Variants in TMED3 observed in about 807,000 individuals in gnomAD.
TMED3 encodes transmembrane emp24 domain-containing protein 3.
A neutral mutation model predicts 15.0 loss-of-function variants in TMED3; 9 were observed. The observed-to-expected ratio is 0.60, with a 90% CI of 0.36 to 1.04. The LOEUF is 1.04. Ranked by LOEUF, TMED3 falls within the 50% of genes least tolerant of loss-of-function variation. TMED3 has a pLI of 0.01. For synonymous variants in TMED3, 117 were observed against 121.4 expected (o/e 0.96, Z 0.24); for missense variants, 267 against 278.9 (o/e 0.96, Z 0.30).
intron 2 of TMED3, among the ~76,000 whole-genome samples, chr15:79,404,711 G>T (rs930699359): frequency 3.9e-5 from 6 of 152,166 alleles, no homozygotes; most frequent in African/African-American, 1.4e-4. Context: ...AAGTTTATGT[G>T]TGGTTTTACT....
chr15:79,356,939 A>G (rs1346082131), intron 2 of TMED3, among the ~76,000 whole-genome samples: 1 of 152,244 alleles, frequency 6.6e-6, no homozygotes, highest in Non-Finnish European at 1.5e-5. Context: ...ACATGTGCAG[A>G]CATAGACAAG....
At chr15:79,355,882 T>C (rs1190848748) in intron 2 of TMED3, among the ~76,000 whole-genome samples, 1 of 152,186 alleles carries the variant, frequency 6.6e-6, no homozygotes, top group Non-Finnish European at 1.5e-5. Context: ...TTTTTATGGA[T>C]GAATTGACTG....
At chr15:79,340,591 T>G (rs946689914) in intron 2 of TMED3, among the ~76,000 whole-genome samples, 1 of 152,212 alleles carries the variant, frequency 6.6e-6, no homozygotes, top group Non-Finnish European at 1.5e-5. Flanking sequence ...ACACCTGGCG[T>G]GTAGTCAACA....
At chr15:79,324,393 T>A (rs1029976909), downstream of TMED3, among the ~76,000 whole-genome samples, 1 of 152,216 alleles carries the variant, frequency 6.6e-6, no homozygotes, top group South Asian at 2.1e-4. Flanking sequence ...TAGGGTACTC[T>A]ATATAATTTC....
chr15:79,317,409 T>A (rs1720825436), intron 2 of TMED3, among the ~76,000 whole-genome samples: 1 of 152,236 alleles, frequency 6.6e-6, no homozygotes, highest in African/African-American at 2.4e-5. Flanking sequence ...CCAGTACTGC[T>A]GAATTCCCAG....
intron 2 of TMED3, among the ~76,000 whole-genome samples, chr15:79,329,199 C>G (rs775693040): frequency 4.6e-5 from 7 of 152,236 alleles, no homozygotes; most frequent in Non-Finnish European, 1.0e-4. Context: ...CCCTTAAACT[C>G]TCTAAAGAGA....
intron 2 of TMED3, among the ~76,000 whole-genome samples, chr15:79,320,278 G>T (rs1053452524): frequency 1.3e-5 from 2 of 152,068 alleles, no homozygotes; most frequent in African/African-American, 4.8e-5. Context: ...CTATCTCTGT[G>T]TGGCCTGGTT....
At chr15:79,358,517 G>A (rs946094491) in intron 2 of TMED3, among the ~76,000 whole-genome samples, 2 of 152,130 alleles carry the variant, frequency 1.3e-5, no homozygotes, top group African/African-American at 4.8e-5. Flanking sequence ...AGCTGGGGAT[G>A]GTGGGGGTGG....
intron 2 of TMED3, among the ~76,000 whole-genome samples, chr15:79,336,432 T>C (rs1020017009): frequency 1.3e-5 from 2 of 151,842 alleles, no homozygotes; most frequent in Non-Finnish European, 2.9e-5. Flanking sequence ...CCGAGGTGGG[T>C]GGATCATTTG....
intron 2 of TMED3, among the ~76,000 whole-genome samples, chr15:79,353,110 A>AAT (rs1366942908): frequency 2.2e-5 from 2 of 90,876 alleles, no homozygotes; most frequent in South Asian, 3.0e-4. Context: ...TAAAATATAA[A>AAT]ATATATATAT....
downstream of TMED3, among the ~76,000 whole-genome samples, chr15:79,325,680 A>G (rs972743839): frequency 3.9e-5 from 6 of 152,174 alleles, 1 homozygote; most frequent in East Asian, 1.9e-4. Flanking sequence ...TCCGAGTCCA[A>G]AAACCTCAAA....
intron 2 of TMED3, among the ~76,000 whole-genome samples, chr15:79,356,238 A>G (rs988423844): frequency 9.9e-5 from 15 of 152,166 alleles, no homozygotes; most frequent in African/African-American, 3.6e-4. Context: ...TGTGCTTTGA[A>G]GAGTTTAAAG....
At chr15:79,387,100 G>A (rs1893636328) in intron 2 of TMED3, among the ~76,000 whole-genome samples, 1 of 151,928 alleles carries the variant, frequency 6.6e-6, no homozygotes, top group Admixed American at 6.6e-5. Context: ...GCTAATTATG[G>A]CTTCTACAAA....
chr15:79,361,068 G>T (rs1171700735), intron 2 of TMED3, among the ~76,000 whole-genome samples: 1 of 151,882 alleles, frequency 6.6e-6, no homozygotes, highest in Non-Finnish European at 1.5e-5. Context: ...TTGCTATATT[G>T]CCCAGGCTGG....
intron 2 of TMED3, among the ~76,000 whole-genome samples, chr15:79,407,829 T>C (rs1233632899): frequency 2.0e-5 from 3 of 152,124 alleles, no homozygotes; most frequent in African/African-American, 7.2e-5. Flanking sequence ...TGGGTAGTGG[T>C]CCATTGAGGA....
exon 3 of TMED3, chr15:79,411,752 G>A (rs940970087): frequency 5.0e-5 from 23 of 456,590 alleles, no homozygotes; most frequent in African/African-American, 4.5e-4. Context: ...AGAGTTGCTT[G>A]GAGAAGTGGT....
intron 2 of TMED3, among the ~76,000 whole-genome samples, chr15:79,368,824 A>G: frequency 6.6e-6 from 1 of 152,174 alleles, no homozygotes; most frequent in African/African-American, 2.4e-5. Flanking sequence ...ACAGTGGCTC[A>G]CATCTGCAAT....
At chr15:79,314,529 G>A (rs2058732368) in intron 2 of TMED3, 1 of 455,374 alleles carries the variant, frequency 2.2e-6, no homozygotes. Context: ...TCATCTTTCT[G>A]TCTTCCCTTA....
intron 2 of TMED3, among the ~76,000 whole-genome samples, chr15:79,351,333 T>A (rs2058890348): frequency 6.6e-6 from 1 of 152,220 alleles, no homozygotes; most frequent in African/African-American, 2.4e-5. Flanking sequence ...CTTCTCAAGT[T>A]ACTTTTGCCC....
Sources: allele counts gnomAD v4.1 joint callset (sites outside exome capture counted in the v4.1 genomes callset), GRCh38; gene constraint gnomAD v4.1.1; transcripts MANE v1.5; gene names NCBI Gene and HGNC (gene_info 2026-07-23, HGNC 2026-07-21).